SPECC1: variants seen among roughly 807,000 people sequenced by gnomAD.
SPECC1 encodes sperm antigen with calponin homology and coiled-coil domains 1.
Under a neutral mutation model 104.1 loss-of-function variants are expected in SPECC1, and 62 were observed. The observed-to-expected ratio is 0.60, with a 90% CI of 0.49 to 0.74. SPECC1 has a LOEUF of 0.74. SPECC1 is among the 30% of genes least tolerant of loss of function. The pLI, the probability that SPECC1 is intolerant of heterozygous loss-of-function variation, is 0.00. For missense variants in SPECC1, 1,306 were observed against 1,310.5 expected, an observed-to-expected ratio of 1.00 and a Z score of 0.05; for synonymous variants, 513 against 501.6, an observed-to-expected ratio of 1.02 and a Z score of -0.30.
intron 4 of SPECC1, among the ~76,000 whole-genome samples, chr17:20,209,987 T>C (rs2037030097): frequency 6.6e-6 from 1 of 152,138 alleles, no homozygotes; most frequent in African/African-American, 2.4e-5. Flanking sequence ...TCCAGAAGAG[T>C]AAGGAGATTA....
At chr17:20,104,327 C>T (rs989075956) in intron 2 of SPECC1, among the ~76,000 whole-genome samples, 2 of 152,172 alleles carry the variant, frequency 1.3e-5, no homozygotes, top group African/African-American at 4.8e-5. Context: ...GCTGTTTGTG[C>T]TCTGAGTACA....
At chr17:20,147,772 C>T (rs1467770304) in intron 3 of SPECC1, among the ~76,000 whole-genome samples, 1 of 152,164 alleles carries the variant, frequency 6.6e-6, no homozygotes, top group Non-Finnish European at 1.5e-5. Context: ...TGCAATGGCT[C>T]ATGCTATAAT....
At chr17:20,083,638 TCA>T (rs1365902629) in intron 1 of SPECC1, among the ~76,000 whole-genome samples, 2 of 147,454 alleles carry the variant, frequency 1.4e-5, no homozygotes, top group East Asian at 3.8e-4. Context: ...ATGTATCCAC[TCA>T]CTGTTGAGGG....
At chr17:20,219,417 T>A (rs1023855024) in intron 4 of SPECC1, among the ~76,000 whole-genome samples, 2 of 152,212 alleles carry the variant, frequency 1.3e-5, no homozygotes, top group Non-Finnish European at 2.9e-5. Flanking sequence ...TTTGCATTTC[T>A]CTGATGATCA....
chr17:20,209,579 G>A (rs1223267270), intron 4 of SPECC1, among the ~76,000 whole-genome samples: 1 of 150,892 alleles, frequency 6.6e-6, no homozygotes. Context: ...TTCTTCATTG[G>A]TTTGCTGATT....
chr17:20,292,530 A>G (rs1436176757), intron 12 of SPECC1, among the ~76,000 whole-genome samples: 1 of 152,164 alleles, frequency 6.6e-6, no homozygotes, highest in Non-Finnish European at 1.5e-5. Flanking sequence ...AGGTTTCACT[A>G]CATTGGCCAG....
chr17:20,088,726 C>T (rs183742160), intron 1 of SPECC1, among the ~76,000 whole-genome samples: 25 of 152,246 alleles, frequency 1.6e-4, no homozygotes, highest in African/African-American at 4.6e-4. Flanking sequence ...TCAGGCAAGC[C>T]GTCATTTAAT....
intron 3 of SPECC1, among the ~76,000 whole-genome samples, chr17:20,169,118 C>A (rs147782734): frequency 1.3e-5 from 2 of 152,272 alleles, no homozygotes; most frequent in East Asian, 3.9e-4. Flanking sequence ...AGTGAGCCAC[C>A]CACCTCAGCC....
At chr17:20,218,656 T>G (rs983782137) in intron 4 of SPECC1, among the ~76,000 whole-genome samples, 2 of 152,142 alleles carry the variant, frequency 1.3e-5, no homozygotes, top group Non-Finnish European at 2.9e-5. Flanking sequence ...TTAATTGTTA[T>G]GGGTACATAG....
chr17:20,087,301 T>C (rs980513487), intron 1 of SPECC1, among the ~76,000 whole-genome samples: 11 of 152,150 alleles, frequency 7.2e-5, no homozygotes, highest in African/African-American at 2.7e-4. Flanking sequence ...TGACTGTGAG[T>C]TAAGAATATT....
intron 1 of SPECC1, among the ~76,000 whole-genome samples, chr17:20,042,175 A>C (rs1260710594): frequency 6.6e-6 from 1 of 152,162 alleles, no homozygotes; most frequent in East Asian, 1.9e-4. Context: ...TTACTTCTAG[A>C]TGGGGGTAAA....
At chr17:20,199,945 C>G (rs2036304284) in intron 3 of SPECC1, among the ~76,000 whole-genome samples, 1 of 152,048 alleles carries the variant, frequency 6.6e-6, no homozygotes, top group Non-Finnish European at 1.5e-5. Context: ...GTTTGTGGCA[C>G]CACCGCCCGG....
intron 3 of SPECC1, among the ~76,000 whole-genome samples, chr17:20,136,349 C>T (rs776078558): frequency 6.6e-6 from 1 of 150,826 alleles, no homozygotes; most frequent in Non-Finnish European, 1.5e-5. Context: ...TGCTTGAACA[C>T]GGGAGGCGGA....
intron 12 of SPECC1, among the ~76,000 whole-genome samples, chr17:20,291,353 G>C (rs1359979744): frequency 6.6e-6 from 1 of 152,242 alleles, no homozygotes; most frequent in African/African-American, 2.4e-5. Context: ...CACTGCAAAT[G>C]GGACATGTGC....
Position 20,316,550 on chromosome 17 carries a change from G to T in SPECC1, c.*2485G>T, listed in dbSNP as rs1228562386. 5.4e-6 allele frequency: 1 copy of T among 184,898 alleles called. No homozygotes were observed. The highest frequency in any genetic ancestry group is 1.1e-5 in the Non-Finnish European group (1 of 87,352). The allele number at this position is 184,898 out of a possible 1,614,324, so 11.5% of individuals were successfully genotyped here. On this transcript the variant is annotated 3_prime_UTR_variant, in exon 15 of 15. Transcript: ENST00000395527. ...CCCAGCTAATGTTTTTGTATTTTTA[G>T]TAAAGAGGGGGTTTCACCATGTTGG...
At chr17:20,297,850 G>T (rs541369768) in intron 13 of SPECC1, among the ~76,000 whole-genome samples, 2 of 152,272 alleles carry the variant, frequency 1.3e-5, no homozygotes, top group African/African-American at 4.8e-5. Context: ...TCAAGCATCG[G>T]GCACTATCAT....
intron 3 of SPECC1, among the ~76,000 whole-genome samples, chr17:20,178,824 A>C (rs1257565740): frequency 6.6e-6 from 1 of 152,236 alleles, no homozygotes; most frequent in Non-Finnish European, 1.5e-5. Context: ...GAGCTGAATA[A>C]AATGTTAGAC....
intron 1 of SPECC1, among the ~76,000 whole-genome samples, chr17:20,054,515 T>C (rs2045887629): frequency 6.6e-6 from 1 of 152,166 alleles, no homozygotes; most frequent in African/African-American, 2.4e-5. Flanking sequence ...GGGATACCTG[T>C]GTAATTGCTG....
At chr17:20,309,778 T>G (rs1478670864) in intron 14 of SPECC1, among the ~76,000 whole-genome samples, 1 of 151,974 alleles carries the variant, frequency 6.6e-6, no homozygotes, top group East Asian at 1.9e-4. Flanking sequence ...TGTACCACAT[T>G]TTCTTTATCC....
Sources: allele counts gnomAD v4.1 joint callset (sites outside exome capture counted in the v4.1 genomes callset), GRCh38; gene constraint gnomAD v4.1.1; transcripts MANE v1.5; gene names NCBI Gene and HGNC (gene_info 2026-07-23, HGNC 2026-07-21).